The following SPTLC3 variants were observed in gnomAD, a reference collection of about 807,000 sequenced individuals.
SPTLC3 encodes serine palmitoyltransferase 3.
In SPTLC3, 36 loss-of-function variants were observed where a neutral mutation model predicts 59.3. The ratio of observed to expected loss-of-function variants is 0.61; its 90% CI spans 0.47 to 0.80. The LOEUF is 0.80. Ranked by LOEUF, SPTLC3 falls within the 30% of genes least tolerant of loss-of-function variation. The pLI, the probability that SPTLC3 is intolerant of heterozygous loss-of-function variation, is 0.00. For synonymous variants in SPTLC3, 257 were observed against 240.8 expected, an observed-to-expected ratio of 1.07 and a Z score of -0.62; for missense variants, 625 against 685.1, an observed-to-expected ratio of 0.91 and a Z score of 0.98.
At chr20:13,131,669 A>T (rs1410978119) in intron 9 of SPTLC3, among the ~76,000 whole-genome samples, 1 of 152,132 alleles carries the variant, frequency 6.6e-6, no homozygotes. Context: ...CACACAGCCA[A>T]CACTCTCTCT....
At position 13,165,036 on chromosome 20, in the gene SPTLC3, C is replaced by T; in HGVS notation, c.*169C>T. 1.8e-6 allele frequency: 1 copy of T among 564,774 alleles called. No individual in the cohort carries two copies. The highest frequency in any genetic ancestry group is 3.1e-6 in the Non-Finnish European group (1 of 319,426). 35.0% of individuals were successfully genotyped at this position (564,774 alleles called of 1,614,324 possible). A position where few individuals can be genotyped will look rare whatever the true frequency, so the allele number is the denominator to read the frequency against. ...TTGTTTTTAATGTCTCCAGCTTGGA[C>T]TGCAGAGACAAAAACATGATTCCAG... On this transcript the variant is annotated 3_prime_UTR_variant, in exon 12 of 12. Coordinates refer to ENST00000399002, the MANE Select transcript of SPTLC3 (RefSeq NM_018327.4).
chr20:13,090,948 G>A, intron 4 of SPTLC3, 135 bp from the exon 5 acceptor site: 3 of 1,205,920 alleles, frequency 2.5e-6, no homozygotes, highest in Non-Finnish European at 3.5e-6. Flanking sequence ...TTCTAGATTA[G>A]GGCAATGGCA....
At chr20:13,014,740 G>A (rs919043983) in intron 1 of SPTLC3, among the ~76,000 whole-genome samples, 4 of 151,766 alleles carry the variant, frequency 2.6e-5, no homozygotes, top group Non-Finnish European at 4.4e-5. Context: ...GAGACTTGTC[G>A]GGGACATCTG....
intron 2 of SPTLC3, among the ~76,000 whole-genome samples, chr20:13,064,494 C>T (rs1186994796): frequency 6.6e-6 from 1 of 152,054 alleles, no homozygotes; most frequent in African/African-American, 2.4e-5. Flanking sequence ...GAGGTTTCAC[C>T]GTCTTGGCCA....
rs1017701664 is a variant in SPTLC3 at position 13,077,902 on chromosome 20, C to A, written c.607+3405C>A. Among the ~76,000 whole-genome samples the A allele has an allele frequency of 2.6e-5, 4 of 151,456 alleles. No individual in the cohort carries two copies. In the East Asian group the frequency reaches 5.8e-4, roughly 22 times the overall value. On this transcript the variant is annotated intron_variant, in intron 4 of 11. Coordinates refer to ENST00000399002, the MANE Select transcript of SPTLC3 (RefSeq NM_018327.4). ...CCTCTAGTGATCCTCCTGCCTCAGC[C>A]CCCAAAATGCTGGGATTATAGGGAG... is the stretch of plus-strand genomic sequence containing the variant.
chr20:13,159,417 T>G (rs924265564), intron 10 of SPTLC3, among the ~76,000 whole-genome samples: 1 of 152,170 alleles, frequency 6.6e-6, no homozygotes, highest in African/African-American at 2.4e-5. Context: ...ATTTCTTATC[T>G]CTGATTTGAT....
intron 8 of SPTLC3, among the ~76,000 whole-genome samples, chr20:13,123,329 T>TAA (rs763279770): frequency 0.14 from 20,074 of 143,618 alleles, 2,162 homozygotes; most frequent in African/African-American, 0.31. Flanking sequence ...AGACTCTGTC[T>TAA]AAAAAAAAAA....
Position 13,091,106 on chromosome 20 carries a change from T to A in SPTLC3, c.631T>A (p.Leu211Met), listed in dbSNP as rs1438945641. 1 of 1,613,770 alleles carries A rather than the reference T, an allele frequency of 6.2e-7. No homozygotes were observed. Among genetic ancestry groups the A allele is most frequent in the South Asian group, 1.1e-5 (1 of 91,068 alleles). The change falls in exon 5 of 12, where the codon TTG (leucine) becomes ATG (methionine). Residue 211 changes from leucine to methionine, a missense_variant. Coordinates refer to ENST00000399002, the MANE Select transcript of SPTLC3 (RefSeq NM_018327.4). ...AGGCACCTTGGATAAGCACAAGGAG[T>A]TGGAGGACCTTGTGGCTAAGTTCCT... is the stretch of plus-strand genomic sequence containing the variant. ...EMGTLDKHKELEDLVAKFLNV... is the reference protein window; with the variant it reads ...EMGTLDKHKEMEDLVAKFLNV...
chr20:13,157,273 C>CAAAA (rs34562385), intron 10 of SPTLC3, among the ~76,000 whole-genome samples: 1 of 143,674 alleles, frequency 7.0e-6, no homozygotes, highest in African/African-American at 2.6e-5. Flanking sequence ...ACTAAAAGTA[C>CAAAA]AAAAAAAAAA....
At chr20:13,145,337 A>T (rs1224753136) in intron 9 of SPTLC3, among the ~76,000 whole-genome samples, 1 of 152,194 alleles carries the variant, frequency 6.6e-6, no homozygotes, top group Non-Finnish European at 1.5e-5. Context: ...ATTTCTATAC[A>T]CCAACAACAG....
At chr20:13,125,620 G>A (rs904077556) in intron 8 of SPTLC3, among the ~76,000 whole-genome samples, 3 of 152,222 alleles carry the variant, frequency 2.0e-5, no homozygotes, top group African/African-American at 7.2e-5. Context: ...ACAGTCCATT[G>A]TTGAGTCAGC....
chr20:13,018,580 G>T (rs1395242677), intron 1 of SPTLC3, among the ~76,000 whole-genome samples: 4 of 152,172 alleles, frequency 2.6e-5, no homozygotes, highest in South Asian at 2.1e-4. Context: ...TGAAGAAATA[G>T]TTGACTCAAT....
intron 6 of SPTLC3, among the ~76,000 whole-genome samples, chr20:13,106,699 G>C (rs1005368290): frequency 1.3e-5 from 2 of 152,208 alleles, no homozygotes; most frequent in African/African-American, 4.8e-5. Context: ...CTGCAGGTGA[G>C]CTGGGGTAAC....
chr20:13,105,198 C>G (rs373459046), intron 6 of SPTLC3, among the ~76,000 whole-genome samples: 3 of 152,132 alleles, frequency 2.0e-5, no homozygotes, highest in African/African-American at 7.2e-5. Flanking sequence ...CCAGGCCGAG[C>G]GCAGTCTTCC....
chr20:13,049,343 C>A, intron 2 of SPTLC3: 3 of 528,390 alleles, frequency 5.7e-6, no homozygotes, highest in South Asian at 2.0e-5. Flanking sequence ...CTATTTGCCA[C>A]ATACCAAACT....
In SPTLC3 at chr20:13,168,088, T is replaced by C. The variant is rs1471932855; in HGVS notation, c.*3221T>C. ...ATATTGAAGAACCATCTGCGATTCA[T>C]TTGGGTAAAATTATGCCTTCTTCAG... On this transcript the variant is annotated 3_prime_UTR_variant, in exon 12 of 12. Coordinates refer to ENST00000399002, the MANE Select transcript of SPTLC3 (RefSeq NM_018327.4). The C allele has an allele frequency of 6.6e-6, 1 of 152,140 alleles. No individual in the cohort carries two copies. Among genetic ancestry groups the C allele is most frequent in the Non-Finnish European group, 1.5e-5 (1 of 68,016 alleles). The allele number at this position is 152,140 out of a possible 1,614,324, so 9.4% of individuals were successfully genotyped here. A position where few individuals can be genotyped will look rare whatever the true frequency, so the allele number is the denominator to read the frequency against.
intron 1 of SPTLC3, among the ~76,000 whole-genome samples, chr20:13,038,599 ATT>A: frequency 6.6e-6 from 1 of 152,054 alleles, no homozygotes; most frequent in South Asian, 2.1e-4. Flanking sequence ...AGCTTTGTTA[ATT>A]TTGTTGATTT....
At chr20:13,070,786 T>A (rs913543514) in intron 2 of SPTLC3, among the ~76,000 whole-genome samples, 1 of 152,152 alleles carries the variant, frequency 6.6e-6, no homozygotes, top group African/African-American at 2.4e-5. Context: ...TGAGTCAGGA[T>A]GTCTAATCAG....
intron 11 of SPTLC3, among the ~76,000 whole-genome samples, chr20:13,161,823 TGCACACACAC>T (rs1046313382): frequency 1.3e-5 from 2 of 152,176 alleles, no homozygotes; most frequent in African/African-American, 4.8e-5. Context: ...CGTACACATG[TGCACACACAC>T]GCACACACAC....
Sources: allele counts gnomAD v4.1 joint callset (sites outside exome capture counted in the v4.1 genomes callset), GRCh38; gene constraint gnomAD v4.1.1; transcripts MANE v1.5; gene names NCBI Gene and HGNC (gene_info 2026-07-23, HGNC 2026-07-21).